Variants in CTNND2 observed in about 807,000 individuals in gnomAD.
The protein encoded by CTNND2 is catenin delta-2.
Under a neutral mutation model 144.4 loss-of-function variants are expected in CTNND2, and 22 were observed. The observed-to-expected ratio is 0.15, with a 90% CI of 0.11 to 0.22. CTNND2 has a LOEUF of 0.22. CTNND2 is among the 10% of genes least tolerant of loss of function. The pLI, the probability that CTNND2 is intolerant of heterozygous loss-of-function variation, is 1.00. For synonymous variants in CTNND2, 751 were observed against 695.6 expected (o/e 1.08, Z -1.25); for missense variants, 1,353 against 1,618.8 (o/e 0.84, Z 2.82).
At chr5:11,069,695 G>C (rs1748040022) in intron 16 of CTNND2, among the ~76,000 whole-genome samples, 1 of 94,050 alleles carries the variant, frequency 1.1e-5, no homozygotes, top group Admixed American at 1.1e-4. Context: ...CAGAGAGACA[G>C]AGAGAGAGAG....
chr5:11,752,427 T>C (rs1169710437), intron 1 of CTNND2, among the ~76,000 whole-genome samples: 1 of 151,946 alleles, frequency 6.6e-6, no homozygotes, highest in African/African-American at 2.4e-5. Context: ...CAGCATTTAT[T>C]GAATAGGAAG....
intron 12 of CTNND2, among the ~76,000 whole-genome samples, chr5:11,158,411 G>T (rs931014896): frequency 2.0e-5 from 3 of 152,134 alleles, no homozygotes; most frequent in Non-Finnish European, 4.4e-5. Flanking sequence ...CTGTATATTT[G>T]CCATATGGTA....
At position 11,384,639 on chromosome 5, in the gene CTNND2, C is replaced by A. The variant is rs781478149; in HGVS notation, c.1177+26G>T. 2.5e-6 allele frequency: 4 copies of A among 1,581,372 alleles called. No homozygotes were observed. The highest frequency in any genetic ancestry group is 1.3e-5 in the African/African-American group (1 of 74,238). Reference sequence around the variant, plus strand: ...GTCCCCGCCACGCGCCCAGGTGAGTCGCGCCAGGTGGCAGCGAGCCTTTAC... The same window carrying A: ...GTCCCCGCCACGCGCCCAGGTGAGTAGCGCCAGGTGGCAGCGAGCCTTTAC... On this transcript the variant is annotated intron_variant, in intron 7 of 21. Coordinates refer to ENST00000304623, the MANE Select transcript of CTNND2 (RefSeq NM_001332.4). This position sits in a 1 kb window ranked among gnomAD's most constrained non-coding sequence, Gnocchi z 5.2.
chr5:11,153,495 G>A (rs950939095), intron 12 of CTNND2, among the ~76,000 whole-genome samples: 2 of 152,110 alleles, frequency 1.3e-5, no homozygotes, highest in Non-Finnish European at 2.9e-5. Flanking sequence ...GAAAATAAAC[G>A]TCCTTGGAGC....
intron 9 of CTNND2, among the ~76,000 whole-genome samples, chr5:11,240,383 C>CTCAAACACACACCCA (rs1561075120): frequency 9.0e-5 from 2 of 22,114 alleles, no homozygotes; most frequent in East Asian, 6.0e-3. Context: ...CACACACATA[C>CTCAAACACACACCCA]ACTCACACAC....
intron 10 of CTNND2, among the ~76,000 whole-genome samples, chr5:11,220,713 A>G (rs1449006709): frequency 2.0e-5 from 3 of 152,234 alleles, no homozygotes; most frequent in Non-Finnish European, 4.4e-5. Context: ...GCCCGTCTCC[A>G]TAAATACTTA....
chr5:11,463,269 A>AATCC (rs1400905336), intron 3 of CTNND2, among the ~76,000 whole-genome samples: 3 of 152,214 alleles, frequency 2.0e-5, no homozygotes, highest in African/African-American at 7.2e-5. Context: ...GTAATCTATT[A>AATCC]ATCCATCCAT....
chr5:11,165,488 T>C (rs1425044707), intron 11 of CTNND2, among the ~76,000 whole-genome samples: 2 of 152,218 alleles, frequency 1.3e-5, no homozygotes, highest in South Asian at 2.1e-4. Context: ...TGATGGTCAC[T>C]AGAAAATTTA....
chr5:11,146,453 GGCTCCAGGGTAAACT>G (rs1234458315), intron 12 of CTNND2, among the ~76,000 whole-genome samples: 1 of 152,122 alleles, frequency 6.6e-6, no homozygotes, highest in Non-Finnish European at 1.5e-5. Context: ...TTCTACCAAG[GGCTCCAGGGTAAACT>G]GCTAAACCTC....
chr5:11,251,207 C>T (rs1434241460), intron 9 of CTNND2, among the ~76,000 whole-genome samples: 1 of 152,130 alleles, frequency 6.6e-6, no homozygotes, highest in Non-Finnish European at 1.5e-5. Flanking sequence ...TTTATGGGTT[C>T]ACAAACCTCT....
At chr5:10,975,790 G>A (rs1736390783) in intron 21 of CTNND2, among the ~76,000 whole-genome samples, 1 of 152,204 alleles carries the variant, frequency 6.6e-6, no homozygotes, top group Non-Finnish European at 1.5e-5. Context: ...AGGGGACAGG[G>A]ACATCTTCAG....
At chr5:11,465,035 C>T (rs1231377994) in intron 3 of CTNND2, among the ~76,000 whole-genome samples, 4 of 152,094 alleles carry the variant, frequency 2.6e-5, no homozygotes, top group Admixed American at 6.6e-5. Flanking sequence ...TCTCTTCTTC[C>T]CCTCCCCCTA....
intron 9 of CTNND2, among the ~76,000 whole-genome samples, chr5:11,281,314 C>T (rs375798168): frequency 4.6e-5 from 7 of 152,214 alleles, no homozygotes; most frequent in South Asian, 2.1e-4. Flanking sequence ...GAAATGTTCA[C>T]GAACTCCATC....
At chr5:11,276,983 G>T (rs1746604919) in intron 9 of CTNND2, among the ~76,000 whole-genome samples, 1 of 152,198 alleles carries the variant, frequency 6.6e-6, no homozygotes, top group Non-Finnish European at 1.5e-5. Flanking sequence ...AACTGTGAAA[G>T]AATACATTTC....
intron 11 of CTNND2, among the ~76,000 whole-genome samples, chr5:11,177,438 C>A (rs1760586790): frequency 6.6e-6 from 1 of 151,884 alleles, no homozygotes; most frequent in Non-Finnish European, 1.5e-5. Context: ...AAAGAAAGGA[C>A]AAAAAACAGC....
At chr5:11,738,728 A>G (rs1222950408) in intron 1 of CTNND2, among the ~76,000 whole-genome samples, 1 of 152,214 alleles carries the variant, frequency 6.6e-6, no homozygotes, top group East Asian at 1.9e-4. Flanking sequence ...CCATCCAATT[A>G]AGTGATACAG....
chr5:11,492,861 A>G (rs1489285722), intron 3 of CTNND2, among the ~76,000 whole-genome samples: 1 of 152,068 alleles, frequency 6.6e-6, no homozygotes, highest in Non-Finnish European at 1.5e-5. Flanking sequence ...ACTTGAGGCT[A>G]GGAGAGTAAG....
chr5:11,347,928 G>A (rs1754957303), intron 8 of CTNND2, among the ~76,000 whole-genome samples: 1 of 152,168 alleles, frequency 6.6e-6, no homozygotes, highest in Non-Finnish European at 1.5e-5. Flanking sequence ...CAAAGTGAAT[G>A]GGAGGAATAC....
chr5:11,209,739 G>T (rs1738427677), intron 10 of CTNND2, among the ~76,000 whole-genome samples: 1 of 152,082 alleles, frequency 6.6e-6, no homozygotes, highest in Non-Finnish European at 1.5e-5. Flanking sequence ...TGGCTAACAT[G>T]GTGAAACCCC....
Sources: gnomAD v4.1 joint callset for allele counts (sites outside exome capture counted in the v4.1 genomes callset) on GRCh38, gnomAD v4.1.1 for gene constraint, Gnocchi (gnomAD v3.1) non-coding constraint, MANE v1.5 for transcripts, NCBI Gene and HGNC (gene_info 2026-07-23, HGNC 2026-07-21) for gene names.